Variants in DUSP13B observed in about 807,000 individuals in gnomAD.
DUSP13B encodes the protein dual specificity protein phosphatase 13B.
chr10:75,101,839 C>A, the DUSP13B span: 3,635 of 1,354,498 alleles, frequency 2.7e-3, 81 homozygotes, highest in African/African-American at 0.05. Context: ...CACATCCTAC[C>A]CCCCCCAAAT....
the DUSP13B span, chr10:75,105,639 G>A: frequency 6.5e-7 from 1 of 1,544,390 alleles, no homozygotes; most frequent in Non-Finnish European, 8.7e-7. Context: ...ACCACATCCA[G>A]CTTTGCCCCC....
chr10:75,099,447 C>T, the DUSP13B span: 2 of 1,232,596 alleles, frequency 1.6e-6, no homozygotes, highest in Non-Finnish European at 2.0e-6. Flanking sequence ...TGGCCTGGGG[C>T]CGGGAATGGG....
the DUSP13B span, among the ~76,000 whole-genome samples, chr10:75,100,570 G>A: frequency 3.3e-5 from 5 of 152,148 alleles, no homozygotes; most frequent in Admixed American, 6.5e-5. Flanking sequence ...TCCCCAGCTG[G>A]GTGAAGCACA....
the DUSP13B span, chr10:75,108,007 G>C: frequency 1.2e-6 from 2 of 1,612,782 alleles, no homozygotes; most frequent in Non-Finnish European, 1.7e-6. Flanking sequence ...GGCGTGTTGA[G>C]GGCACGGTGG....
chr10:75,099,537 C>T, the DUSP13B span: 6 of 1,231,322 alleles, frequency 4.9e-6, no homozygotes, highest in African/African-American at 3.1e-5. Flanking sequence ...CACTGTGAAG[C>T]GGCTAGAATT....
the DUSP13B span, among the ~76,000 whole-genome samples, chr10:75,104,986 C>T: frequency 6.6e-6 from 1 of 152,066 alleles, no homozygotes; most frequent in Non-Finnish European, 1.5e-5. Flanking sequence ...AGGCCAGTCA[C>T]CCACCCCCAA....
At chr10:75,107,765 C>T in the DUSP13B span, among the ~76,000 whole-genome samples, 2 of 152,116 alleles carry the variant, frequency 1.3e-5, no homozygotes, top group South Asian at 2.1e-4. Context: ...TTAGTAGAGA[C>T]GAGGTTTCAC....
chr10:75,108,864 C>G, the DUSP13B span: 8 of 1,103,408 alleles, frequency 7.3e-6, no homozygotes, highest in Non-Finnish European at 7.4e-6. Flanking sequence ...TCAGCACCCC[C>G]GGGGGTCCTG....
the DUSP13B span, among the ~76,000 whole-genome samples, chr10:75,097,092 T>C: frequency 1.3e-5 from 2 of 152,320 alleles, no homozygotes; most frequent in African/African-American, 2.4e-5. Flanking sequence ...CCACAGAGAA[T>C]AGAAAAGTTA....
the DUSP13B span, chr10:75,094,582 A>C: frequency 7.1e-7 from 1 of 1,413,112 alleles, no homozygotes; most frequent in African/African-American, 1.4e-5. Flanking sequence ...TGCTGTTTAC[A>C]TCTCAGGGTC....
the DUSP13B span, chr10:75,097,803 A>G: frequency 1.9e-6 from 3 of 1,613,962 alleles, no homozygotes; most frequent in Non-Finnish European, 2.5e-6. Context: ...AGCGAAGCCA[A>G]TGTGGGCGGC....
At chr10:75,105,571 C>T in the DUSP13B span, 1 of 1,278,504 alleles carries the variant, frequency 7.8e-7, no homozygotes, top group Non-Finnish European at 1.1e-6. Context: ...CCAACCAATC[C>T]TGGAAGAATC....
At chr10:75,102,314 A>G in the DUSP13B span, among the ~76,000 whole-genome samples, 78 of 152,160 alleles carry the variant, frequency 5.1e-4, no homozygotes, top group African/African-American at 1.7e-3. Flanking sequence ...GTGGTGGTGG[A>G]TGCCTGTAGT....
the DUSP13B span, among the ~76,000 whole-genome samples, chr10:75,101,295 C>T: frequency 1.3e-5 from 2 of 152,154 alleles, no homozygotes; most frequent in African/African-American, 4.8e-5. Context: ...ATGTAAAGCA[C>T]CTCCCACAGG....
the DUSP13B span, chr10:75,101,841 C>A: frequency 0.016 from 21,364 of 1,358,702 alleles, 236 homozygotes; most frequent in Non-Finnish European, 0.018. Flanking sequence ...CATCCTACCC[C>A]CCCCAAATTA....
At chr10:75,099,570 A>C in the DUSP13B span, 4 of 1,224,260 alleles carry the variant, frequency 3.3e-6, no homozygotes, top group East Asian at 1.1e-4. Flanking sequence ...TGGGGCGCCC[A>C]TGGGGGGTGG....
chr10:75,108,985 G>A, the DUSP13B span: 1 of 1,577,068 alleles, frequency 6.3e-7, no homozygotes, highest in Non-Finnish European at 8.6e-7. Flanking sequence ...CCACCCCCAT[G>A]CCCCTTGGCC....
the DUSP13B span, chr10:75,097,836 C>T: frequency 6.2e-7 from 1 of 1,613,164 alleles, no homozygotes; most frequent in African/African-American, 1.3e-5. Context: ...GCCTGGACTG[C>T]CCCATGGATC....
the DUSP13B span, chr10:75,101,906 G>C: frequency 1.5e-6 from 2 of 1,367,510 alleles, no homozygotes; most frequent in Non-Finnish European, 2.0e-6. Flanking sequence ...CTTCTCTGAC[G>C]GGCAGTTCGT....
Sources: allele counts gnomAD v4.1 joint callset (sites outside exome capture counted in the v4.1 genomes callset), GRCh38; gene constraint gnomAD v4.1.1; transcripts MANE v1.5; gene names NCBI Gene and HGNC (gene_info 2026-07-23, HGNC 2026-07-21).